TSPAN5: variants seen among roughly 807,000 people sequenced by gnomAD.
The protein encoded by TSPAN5 is tetraspanin 5.
TSPAN5 carries 10 observed loss-of-function variants against 37.1 expected under a neutral mutation model. That is an observed-to-expected ratio of 0.27 (90% CI 0.17 to 0.46). TSPAN5 has a LOEUF of 0.46. Ranked by LOEUF, TSPAN5 falls within the 20% of genes least tolerant of loss-of-function variation. The pLI, the probability that TSPAN5 is intolerant of heterozygous loss-of-function variation, is 1.00. For synonymous variants in TSPAN5, 110 were observed against 118.9 expected (o/e 0.93, Z 0.48); for missense variants, 195 against 326.6 (o/e 0.60, Z 3.11).
chr4:98,644,381 C>T (rs190501895), intron 1 of TSPAN5, among the ~76,000 whole-genome samples: 115 of 152,094 alleles, frequency 7.6e-4, no homozygotes, highest in Non-Finnish European at 1.5e-3. Context: ...TCACTGTTCT[C>T]GGAGCACCTG....
chr4:98,529,313 A>C (rs1417752665), intron 1 of TSPAN5, among the ~76,000 whole-genome samples: 1 of 152,266 alleles, frequency 6.6e-6, no homozygotes, highest in African/African-American at 2.4e-5. Flanking sequence ...ATGAAATTAG[A>C]GACTTTTCTT....
At chr4:98,618,958 AT>A (rs1183443527) in intron 1 of TSPAN5, among the ~76,000 whole-genome samples, 4 of 151,982 alleles carry the variant, frequency 2.6e-5, no homozygotes, top group African/African-American at 9.6e-5. Flanking sequence ...CAGACTTGAA[AT>A]TTTTTTTTAA....
chr4:98,497,484 A>G (rs77670211), intron 2 of TSPAN5, among the ~76,000 whole-genome samples: 1,827 of 152,164 alleles, frequency 0.012, 16 homozygotes, highest in South Asian at 0.022. Flanking sequence ...TGTGAGAGAG[A>G]AATGTTTGTT....
intron 1 of TSPAN5, among the ~76,000 whole-genome samples, chr4:98,552,415 A>G (rs1476120299): frequency 4.6e-5 from 7 of 152,218 alleles, no homozygotes; most frequent in Non-Finnish European, 7.3e-5. Flanking sequence ...TCAAGGAATT[A>G]TGCTTCATTC....
intron 1 of TSPAN5, among the ~76,000 whole-genome samples, chr4:98,528,161 C>A (rs1754002955): frequency 6.6e-6 from 1 of 152,132 alleles, no homozygotes; most frequent in South Asian, 2.1e-4. Context: ...CAGCTGTGCA[C>A]AGGATTATGC....
chr4:98,646,096 G>A (rs1345984673), intron 1 of TSPAN5, among the ~76,000 whole-genome samples: 1 of 151,366 alleles, frequency 6.6e-6, no homozygotes, highest in East Asian at 2.1e-4. Flanking sequence ...TCAGGGGACA[G>A]TACAGGTGGC....
chr4:98,606,536 C>T (rs771008272), intron 1 of TSPAN5, among the ~76,000 whole-genome samples: 2 of 152,182 alleles, frequency 1.3e-5, no homozygotes, highest in African/African-American at 2.4e-5. Context: ...TTCCCCTCAT[C>T]CTCCACCCTA....
rs542404660 is a variant in TSPAN5, at chr4:98,585,913, T to C, written c.81+72233A>G. Among the ~76,000 whole-genome samples, 12 of 152,336 alleles carry C rather than the reference T, an allele frequency of 7.9e-5. No homozygotes were observed. In the East Asian group the frequency reaches 1.4e-3, roughly 17 times the overall value. On this transcript the variant is annotated intron_variant, in intron 1 of 7. Coordinates refer to ENST00000305798, the MANE Select transcript of TSPAN5 (RefSeq NM_005723.4). ...CTCCCAGAACTTGCAGGCTACATAT[T>C]CAGGTGGGAAGATGGGCTGAAATTT...
intron 2 of TSPAN5, chr4:98,496,338 A>C (rs1178360083): frequency 6.6e-6 from 1 of 152,242 alleles, no homozygotes; most frequent in African/African-American, 2.4e-5. Context: ...ACTAGGAATG[A>C]GAAGAAAGCC....
intron 1 of TSPAN5, among the ~76,000 whole-genome samples, chr4:98,550,829 A>G (rs1754598887): frequency 6.6e-6 from 1 of 152,154 alleles, no homozygotes; most frequent in Non-Finnish European, 1.5e-5. Flanking sequence ...GTGAACAGGG[A>G]TAATTTGACT....
At position 98,658,205 on chromosome 4, in the gene TSPAN5, C is replaced by G; in HGVS notation, c.22G>C (p.Gly8Arg). 1 of 1,614,136 alleles carries G rather than the reference C, an allele frequency of 6.2e-7. No homozygotes were observed. The highest frequency in any genetic ancestry group is 8.5e-7 in the Non-Finnish European group (1 of 1,179,980). MSGKHYK[G>R]PEVSCCIKYF... is the part of the protein sequence containing the mutation. Reference sequence around the variant, plus strand: ...TTGATGCAACAACTGACTTCAGGACCCTTGTAGTGCTTCCCGGACATCCTC... The same window carrying G: ...TTGATGCAACAACTGACTTCAGGACGCTTGTAGTGCTTCCCGGACATCCTC... The change falls in exon 1 of 8, where the codon GGT becomes CGT. Residue 8 changes from glycine to arginine, a missense_variant. Physicochemically the swap from Gly to Arg is moderately radical, Grantham distance 125. Coordinates refer to ENST00000305798, the MANE Select transcript of TSPAN5 (RefSeq NM_005723.4).
chr4:98,611,316 A>G (rs899015721), intron 1 of TSPAN5, among the ~76,000 whole-genome samples: 7 of 152,136 alleles, frequency 4.6e-5, no homozygotes, highest in Non-Finnish European at 7.3e-5. Context: ...TCCTTTATAA[A>G]CTGGAGATGA....
chr4:98,603,757 C>T (rs940975417), intron 1 of TSPAN5, among the ~76,000 whole-genome samples: 1 of 152,168 alleles, frequency 6.6e-6, no homozygotes, highest in Non-Finnish European at 1.5e-5. Context: ...AGATGCTCAT[C>T]TCCTTCACAA....
intron 1 of TSPAN5, among the ~76,000 whole-genome samples, chr4:98,632,118 G>A (rs1247366259): frequency 1.3e-5 from 2 of 152,128 alleles, no homozygotes; most frequent in East Asian, 3.9e-4. Context: ...TTGAAAGTCT[G>A]TCTGCCTCTG....
At chr4:98,473,600 C>G (rs1752633634) in intron 7 of TSPAN5, among the ~76,000 whole-genome samples, 1 of 152,008 alleles carries the variant, frequency 6.6e-6, no homozygotes, top group Admixed American at 6.5e-5. Context: ...GCTGGGACTA[C>G]AGGCGCCCGC....
At chr4:98,559,140 ATTACT>A (rs74701204) in intron 1 of TSPAN5, among the ~76,000 whole-genome samples, 104,495 of 151,242 alleles carry the variant, frequency 0.69, 36,160 homozygotes, top group South Asian at 0.86. Context: ...TTCAAACAGT[ATTACT>A]AGACAGTAAC....
intron 1 of TSPAN5, among the ~76,000 whole-genome samples, chr4:98,555,968 C>T (rs1004699014): frequency 1.3e-5 from 2 of 148,514 alleles, no homozygotes; most frequent in Non-Finnish European, 3.0e-5. Flanking sequence ...TCACTCCACA[C>T]ACGCGCGCGC....
chr4:98,566,134 C>G (rs1336154075), intron 1 of TSPAN5, among the ~76,000 whole-genome samples: 23 of 152,152 alleles, frequency 1.5e-4, no homozygotes, highest in Admixed American at 1.2e-3. Context: ...CGTTATTTCC[C>G]TTACTCTGGC....
chr4:98,587,547 C>T (rs1755519279), intron 1 of TSPAN5, among the ~76,000 whole-genome samples: 1 of 152,254 alleles, frequency 6.6e-6, no homozygotes, highest in South Asian at 2.1e-4. Flanking sequence ...AACAGAAACT[C>T]CGCCCATCCA....
Sources: gnomAD v4.1 joint callset for allele counts (sites outside exome capture counted in the v4.1 genomes callset) on GRCh38, gnomAD v4.1.1 for gene constraint, MANE v1.5 for transcripts, NCBI Gene and HGNC (gene_info 2026-07-23, HGNC 2026-07-21) for gene names.